KIAA0825: variants seen among roughly 807,000 people sequenced by gnomAD.
The protein encoded by KIAA0825 is uncharacterized protein KIAA0825.
In KIAA0825, 119 loss-of-function variants were observed where a neutral mutation model predicts 147.6. That is an observed-to-expected ratio of 0.81 (90% confidence interval 0.69 to 0.94). The LOEUF (loss-of-function observed/expected upper bound fraction) is 0.94. Ranked by LOEUF, KIAA0825 falls within the 40% of genes least tolerant of loss-of-function variation. The pLI, the probability that KIAA0825 is intolerant of heterozygous loss-of-function variation, is 0.00. For synonymous variants in KIAA0825, 470 were observed against 518.1 expected (o/e 0.91, Z 1.26); for missense variants, 1,381 against 1,472.7 (o/e 0.94, Z 1.02).
chr5:94,302,724 G>A (rs1266500334), intron 20 of KIAA0825, among the ~76,000 whole-genome samples: 1 of 151,878 alleles, frequency 6.6e-6, no homozygotes, highest in Non-Finnish European at 1.5e-5. Flanking sequence ...AAATGTAATG[G>A]GTTGTCTCCT....
intron 14 of KIAA0825, among the ~76,000 whole-genome samples, chr5:94,431,018 T>A (rs1420976): frequency 1 from 152,090 of 152,306 alleles, 75,937 homozygotes; most frequent in Middle Eastern, 1. Context: ...CCCAGGAGAC[T>A]CTTTAAATGT....
At chr5:94,471,413 A>G in intron 9 of KIAA0825, 53 bp downstream of exon 9, 1 of 1,505,456 alleles carries the variant, frequency 6.6e-7, no homozygotes. Context: ...TGATATCCAA[A>G]GATTACACGT....
intron 5 of KIAA0825, among the ~76,000 whole-genome samples, chr5:94,515,023 C>T (rs546694422): frequency 2.0e-5 from 3 of 152,080 alleles, no homozygotes; most frequent in Non-Finnish European, 4.4e-5. Context: ...TTCAAGCTAA[C>T]AATAACCTCA....
At chr5:94,531,071 C>T (rs1459493113) in intron 3 of KIAA0825, among the ~76,000 whole-genome samples, 1 of 152,060 alleles carries the variant, frequency 6.6e-6, no homozygotes, top group Non-Finnish European at 1.5e-5. Flanking sequence ...TTGTCTTATG[C>T]TTATTTGGCC....
rs57220290 is a variant in KIAA0825, at chr5:94,599,331, G to GTTTT, written c.-152-16752_-152-16749dup. On this transcript the variant is annotated intron_variant, in intron 1 of 20. Coordinates refer to ENST00000682413, the MANE Select transcript of KIAA0825 (RefSeq NM_001145678.3). ...CCTATTTTAAAATCTGATTATTTGG[G>GTTTT]TTTTTTTTTTTTTTTTTTTTGCTAT... is the stretch of plus-strand genomic sequence containing the variant. 2.1e-3 allele frequency among the ~76,000 whole-genome samples: 209 copies of GTTTT among 98,454 alleles called. 1 individual carries two copies. Among genetic ancestry groups the GTTTT allele is most frequent in the Non-Finnish European group, 3.4e-3 (168 of 49,222 alleles). 64.6% of individuals were successfully genotyped at this position (98,454 alleles called of 152,430 possible).
Position 94,153,240 on chromosome 5 carries a change from T to C in KIAA0825, c.*767A>G, listed in dbSNP as rs1354314000. On this transcript the variant is annotated 3_prime_UTR_variant, in exon 21 of 21. Transcript: ENST00000682413. ...TTTTAAAGTAACACATTATATGAGC[T>C]AATGAGCTTTGGGGTAAAGATTGCT... is the stretch of plus-strand genomic sequence containing the variant. 1 of 152,010 alleles carries C rather than the reference T, an allele frequency of 6.6e-6. No individual in the cohort carries two copies. The highest frequency in any genetic ancestry group is 1.9e-4 in the East Asian group (1 of 5,162). The allele number at this position is 152,010 out of a possible 1,614,324, so 9.4% of individuals were successfully genotyped here.
chr5:94,540,429 G>A (rs1584827486), intron 2 of KIAA0825, among the ~76,000 whole-genome samples: 2 of 152,284 alleles, frequency 1.3e-5, no homozygotes, highest in African/African-American at 4.8e-5. Context: ...GTATGTCCTT[G>A]GGAGCTTGAC....
chr5:94,357,810 T>C (rs1744492122), intron 20 of KIAA0825, among the ~76,000 whole-genome samples: 1 of 152,038 alleles, frequency 6.6e-6, no homozygotes, highest in South Asian at 2.1e-4. Flanking sequence ...CCTCAATATG[T>C]CATTTTCTAG....
chr5:94,172,934 G>A (rs536763738), intron 20 of KIAA0825, among the ~76,000 whole-genome samples: 1 of 152,202 alleles, frequency 6.6e-6, no homozygotes, highest in South Asian at 2.1e-4. Context: ...AAAAGATTTG[G>A]CAGTGTGCTT....
At chr5:94,474,960 G>A (rs770428228) in intron 7 of KIAA0825, among the ~76,000 whole-genome samples, 6 of 151,972 alleles carry the variant, frequency 3.9e-5, no homozygotes, top group Non-Finnish European at 7.4e-5. Flanking sequence ...GTGGTGGCAC[G>A]TGCCTGTAGT....
chr5:94,477,370 C>A (rs962284787), intron 6 of KIAA0825, among the ~76,000 whole-genome samples, 165 bp from the exon 7 acceptor site: 2 of 151,244 alleles, frequency 1.3e-5, no homozygotes, highest in Non-Finnish European at 2.9e-5. Context: ...AGAATATAGT[C>A]AAAAAGATGG....
At chr5:94,237,597 C>A (rs1443979900) in intron 20 of KIAA0825, among the ~76,000 whole-genome samples, 1 of 152,200 alleles carries the variant, frequency 6.6e-6, no homozygotes, top group African/African-American at 2.4e-5. Context: ...AGTATATAAT[C>A]TTGTATTATC....
Position 94,520,855 on chromosome 5 carries a change from G to A in KIAA0825, c.363C>T (p.Leu121=). The A allele has an allele frequency of 6.2e-7, 1 of 1,612,332 alleles. No homozygotes were observed. The highest frequency in any genetic ancestry group is 2.2e-5 in the East Asian group (1 of 44,830). ...GGAATGAAACGCTGCTGTGGCAGGAGAGGTCCCAAAGTAAATCCAATGTCA... is the reference window on the plus strand; with the variant it reads ...GGAATGAAACGCTGCTGTGGCAGGAAAGGTCCCAAAGTAAATCCAATGTCA... ...EEMTLDLLWD[L]SCHSSVSFPS... is the part of the protein sequence containing the mutation. The change falls in exon 5 of 21, where the codon CTC becomes CTT. Residue 121 remains leucine, a synonymous_variant. Coordinates refer to ENST00000682413, the MANE Select transcript of KIAA0825 (RefSeq NM_001145678.3).
intron 20 of KIAA0825, among the ~76,000 whole-genome samples, chr5:94,265,575 A>G (rs534991014): frequency 4.2e-4 from 64 of 152,142 alleles, no homozygotes; most frequent in African/African-American, 1.5e-3. Flanking sequence ...GAGGCAGGCA[A>G]ATCACCTGAG....
At chr5:94,192,151 C>A (rs919911524) in intron 20 of KIAA0825, among the ~76,000 whole-genome samples, 2 of 152,188 alleles carry the variant, frequency 1.3e-5, no homozygotes, top group Admixed American at 6.5e-5. Flanking sequence ...TCCAACTTCC[C>A]ACGGGAAAGA....
intron 18 of KIAA0825, among the ~76,000 whole-genome samples, chr5:94,386,893 C>T (rs1486508927): frequency 6.6e-6 from 1 of 152,156 alleles, no homozygotes; most frequent in Non-Finnish European, 1.5e-5. Context: ...ATAATGCAAG[C>T]TCCTAAACTC....
intron 20 of KIAA0825, among the ~76,000 whole-genome samples, chr5:94,235,817 A>T (rs1775011181): frequency 6.6e-6 from 1 of 152,178 alleles, no homozygotes; most frequent in East Asian, 1.9e-4. Flanking sequence ...ATTATGCTAA[A>T]TCTCCTGTGC....
At position 94,554,820 on chromosome 5, in the gene KIAA0825, T is replaced by C. The variant is rs536537490; in HGVS notation, c.-1-17693A>G. Among the ~76,000 whole-genome samples the C allele has an allele frequency of 6.1e-5, 9 of 147,788 alleles. No homozygotes were observed. The South Asian group carries it at 1.9e-3, about 32-fold the overall frequency. On this transcript the variant is annotated intron_variant, in intron 2 of 20. Transcript: ENST00000682413. ...TAATATTATAATCTTATTAAAGATA[T>C]GGAAACTGAGGCACAGAATGGTTCA...
intron 1 of KIAA0825, among the ~76,000 whole-genome samples, chr5:94,592,142 CTCATT>C (rs1330628384): frequency 6.6e-6 from 1 of 152,186 alleles, no homozygotes; most frequent in Non-Finnish European, 1.5e-5. Flanking sequence ...AAAGTCTTAA[CTCATT>C]TCAGCATTAA....
Sources: gnomAD v4.1 joint callset for allele counts (sites outside exome capture counted in the v4.1 genomes callset) on GRCh38, gnomAD v4.1.1 for gene constraint, MANE v1.5 for transcripts, NCBI Gene and HGNC (gene_info 2026-07-23, HGNC 2026-07-21) for gene names.